The following MGAT5 variants were observed in gnomAD, a reference collection of about 807,000 sequenced individuals.
MGAT5 encodes alpha-1,6-mannosylglycoprotein 6-beta-N-acetylglucosaminyltransferase A.
MGAT5 carries 30 observed loss-of-function variants against 94.3 expected under a neutral mutation model. The observed-to-expected ratio is 0.32, with a 90% confidence interval of 0.24 to 0.43. MGAT5 has a LOEUF of 0.43. Ranked by LOEUF, MGAT5 falls within the 20% of genes least tolerant of loss-of-function variation. MGAT5 has a pLI of 1.00. For missense variants in MGAT5, 691 were observed against 905.5 expected, an observed-to-expected ratio of 0.76 and a Z score of 3.04; for synonymous variants, 310 against 322.9, an observed-to-expected ratio of 0.96 and a Z score of 0.43.
At chr2:134,261,518 C>T (rs1278814901) in intron 1 of MGAT5, among the ~76,000 whole-genome samples, 1 of 152,188 alleles carries the variant, frequency 6.6e-6, no homozygotes, top group Non-Finnish European at 1.5e-5. Flanking sequence ...CCCTTCCTCT[C>T]TTCCTTCTTT....
chr2:134,134,203 C>T (rs1400756779), intron 1 of MGAT5, among the ~76,000 whole-genome samples: 7 of 152,190 alleles, frequency 4.6e-5, no homozygotes, highest in South Asian at 4.2e-4. Flanking sequence ...CACTCCTAAG[C>T]GTTTTTGATG....
chr2:134,246,905 T>C (rs1278735779), intron 1 of MGAT5, among the ~76,000 whole-genome samples: 1 of 152,278 alleles, frequency 6.6e-6, no homozygotes, highest in East Asian at 1.9e-4. Flanking sequence ...AGGTATTTTA[T>C]ACATTTTAAT....
chr2:134,222,732 A>G (rs1356542050), intron 1 of MGAT5, among the ~76,000 whole-genome samples: 1 of 152,294 alleles, frequency 6.6e-6, no homozygotes, highest in Non-Finnish European at 1.5e-5. Flanking sequence ...AGGACTCCCT[A>G]TGGCTGAGGG....
At chr2:134,155,802 A>G (rs12691862) in intron 1 of MGAT5, among the ~76,000 whole-genome samples, 39,966 of 151,614 alleles carry the variant, frequency 0.26, 5,807 homozygotes, top group Non-Finnish European at 0.33. Flanking sequence ...GCCTTTGCAC[A>G]TGGTGTTCTT....
At chr2:134,197,500 C>A (rs1274082495) in intron 1 of MGAT5, among the ~76,000 whole-genome samples, 1 of 152,194 alleles carries the variant, frequency 6.6e-6, no homozygotes, top group Non-Finnish European at 1.5e-5. Context: ...AGAGAGATTT[C>A]TTGAACCTCC....
chr2:134,200,639 C>T (rs185032835), intron 1 of MGAT5, among the ~76,000 whole-genome samples: 2 of 152,236 alleles, frequency 1.3e-5, no homozygotes, highest in Admixed American at 6.5e-5. Flanking sequence ...TTAGTGTGCC[C>T]TAAACTCTGT....
chr2:134,410,650 A>C (rs1033668921), intron 11 of MGAT5, among the ~76,000 whole-genome samples: 1 of 152,238 alleles, frequency 6.6e-6, no homozygotes, highest in Non-Finnish European at 1.5e-5. Context: ...AAATCCTTTT[A>C]ATTAATGGAT....
intron 1 of MGAT5, among the ~76,000 whole-genome samples, chr2:134,212,888 G>C (rs1680275860): frequency 6.6e-6 from 1 of 152,150 alleles, no homozygotes; most frequent in East Asian, 1.9e-4. Context: ...CTTGAGACTT[G>C]CTTGTCTCCT....
At chr2:134,385,859 G>C (rs772933189) in intron 10 of MGAT5, among the ~76,000 whole-genome samples, 2 of 152,152 alleles carry the variant, frequency 1.3e-5, no homozygotes, top group Non-Finnish European at 1.5e-5. Context: ...TTGAAAGGAA[G>C]ATCGATTTAG....
At chr2:134,177,161 G>GTGTGTGTGTGTGTGTGTGTGTGTA (rs1218468558) in intron 1 of MGAT5, among the ~76,000 whole-genome samples, 8 of 151,906 alleles carry the variant, frequency 5.3e-5, no homozygotes, top group African/African-American at 1.7e-4. Flanking sequence ...GTGTGTGTGT[G>GTGTGTGTGTGTGTGTGTGTGTGTA]TATGTATCTC....
chr2:134,270,771 G>T (rs1457540688), intron 2 of MGAT5, among the ~76,000 whole-genome samples: 1 of 152,174 alleles, frequency 6.6e-6, no homozygotes, highest in Admixed American at 6.5e-5. Flanking sequence ...TGGTTTGTGT[G>T]ACACATTTGC....
intron 1 of MGAT5, among the ~76,000 whole-genome samples, chr2:134,177,288 A>G (rs561419642): frequency 6.6e-6 from 1 of 152,298 alleles, no homozygotes; most frequent in South Asian, 2.1e-4. Flanking sequence ...GTAGCAACCC[A>G]GGCTTTAGGC....
chr2:134,375,285 A>G (rs1681094774), intron 10 of MGAT5, among the ~76,000 whole-genome samples: 2 of 152,208 alleles, frequency 1.3e-5, no homozygotes, highest in Admixed American at 1.3e-4. Flanking sequence ...TGTAGCCAAC[A>G]CACTGGACTA....
chr2:134,127,545 T>G (rs1205608372), intron 1 of MGAT5, among the ~76,000 whole-genome samples: 2 of 117,608 alleles, frequency 1.7e-5, no homozygotes, highest in African/African-American at 6.3e-5. Context: ...AAAAGAAACA[T>G]GTAGGTCCAA....
chr2:134,294,400 C>T (rs1055157525), intron 2 of MGAT5, among the ~76,000 whole-genome samples: 3 of 152,050 alleles, frequency 2.0e-5, no homozygotes, highest in South Asian at 2.1e-4. Flanking sequence ...ACTAAGTATT[C>T]GGGGTATGAT....
chr2:134,249,716 T>G (rs1682479513), upstream of MGAT5, among the ~76,000 whole-genome samples: 1 of 152,272 alleles, frequency 6.6e-6, no homozygotes, highest in South Asian at 2.1e-4. Context: ...ATACTGCTGC[T>G]GAGTACTTCT....
intron 1 of MGAT5, among the ~76,000 whole-genome samples, chr2:134,182,614 C>T (rs1344313323): frequency 6.6e-6 from 1 of 152,152 alleles, no homozygotes; most frequent in Non-Finnish European, 1.5e-5. Context: ...AGAAACAAAA[C>T]ATGCACAGCC....
At position 134,319,404 on chromosome 2, in the gene MGAT5, C is replaced by T. The variant is rs551450194; in HGVS notation, c.573+665C>T. ...AGCTTGGGTTAGGTATAAAGAGAGT[C>T]AATATCAGGAAATCTCCTGGGTTTG... On this transcript the variant is annotated intron_variant, in intron 4 of 15. Transcript: ENST00000281923. 3.3e-5 allele frequency among the ~76,000 whole-genome samples: 5 copies of T among 151,832 alleles called. No individual in the cohort carries two copies. The South Asian group carries it at 1.0e-3, about 32-fold the overall frequency.
chr2:134,130,623 T>C (rs1686107321), intron 1 of MGAT5, among the ~76,000 whole-genome samples: 1 of 151,814 alleles, frequency 6.6e-6, no homozygotes, highest in African/African-American at 2.4e-5. Flanking sequence ...AGAACTTTTA[T>C]GTCTAGCTAG....
Sources: allele counts gnomAD v4.1 joint callset (sites outside exome capture counted in the v4.1 genomes callset), GRCh38; gene constraint gnomAD v4.1.1; transcripts MANE v1.5; gene names NCBI Gene and HGNC (gene_info 2026-07-23, HGNC 2026-07-21).